The following XPR1 variants were observed in gnomAD, a reference collection of about 807,000 sequenced individuals.
XPR1 encodes xenotropic and polytropic retrovirus receptor 1, also known as solute carrier family 53 member 1.
In XPR1, 28 loss-of-function variants were observed where a neutral mutation model predicts 87.5. The observed-to-expected ratio is 0.32, with a 90% CI of 0.24 to 0.44. The LOEUF (loss-of-function observed/expected upper bound fraction) is 0.44. Ranked by LOEUF, XPR1 falls within the 20% of genes least tolerant of loss-of-function variation. XPR1 has a pLI of 1.00. For missense variants in XPR1, 559 were observed against 862.3 expected, an observed-to-expected ratio of 0.65 and a Z score of 4.41; for synonymous variants, 300 against 306.1, an observed-to-expected ratio of 0.98 and a Z score of 0.21.
chr1:180,672,123 G>T (rs1405027391), intron 1 of XPR1, among the ~76,000 whole-genome samples: 1 of 152,154 alleles, frequency 6.6e-6, no homozygotes, highest in African/African-American at 2.4e-5. Flanking sequence ...GAATATTAGT[G>T]CAAAAATTTG....
At chr1:180,656,942 T>C (rs1655553306) in intron 1 of XPR1, among the ~76,000 whole-genome samples, 1 of 151,878 alleles carries the variant, frequency 6.6e-6, no homozygotes, top group Non-Finnish European at 1.5e-5. Context: ...ATGTACTAAT[T>C]TACATTCCCA....
At chr1:180,848,935 A>T (rs1315355570) in intron 11 of XPR1, among the ~76,000 whole-genome samples, 1 of 152,186 alleles carries the variant, frequency 6.6e-6, no homozygotes, top group Non-Finnish European at 1.5e-5. Flanking sequence ...TCACTAAACC[A>T]AAGGAGAAAA....
intron 7 of XPR1, among the ~76,000 whole-genome samples, chr1:180,814,468 G>C (rs969318857): frequency 3.9e-5 from 6 of 152,148 alleles, no homozygotes; most frequent in Admixed American, 3.9e-4. Context: ...TTCAGTTTCA[G>C]CTCCACTGTT....
chr1:180,720,848 G>A (rs2101996786), intron 2 of XPR1, among the ~76,000 whole-genome samples: 1 of 152,286 alleles, frequency 6.6e-6, no homozygotes, highest in Admixed American at 6.5e-5. Flanking sequence ...AGAGTTATGT[G>A]CCCTTATCAT....
At position 180,883,990 on chromosome 1, in the gene XPR1, C is replaced by A; in HGVS notation, c.2031-16C>A. ...GTAATGGACTAAGTGCTTTTTGTCC[C>A]CCTTGTTACCACTAGATCCAAGGCT... On this transcript the variant is annotated splice_polypyrimidine_tract_variant and intron_variant, in intron 14 of 14. Transcript: ENST00000367590. 1 of 1,611,130 alleles carries A rather than the reference C, an allele frequency of 6.2e-7. No homozygotes were observed. Among genetic ancestry groups the A allele is most frequent in the Non-Finnish European group, 8.5e-7 (1 of 1,178,758 alleles).
At chr1:180,843,580 A>C (rs1439055758) in intron 11 of XPR1, among the ~76,000 whole-genome samples, 1 of 151,846 alleles carries the variant, frequency 6.6e-6, no homozygotes, top group Non-Finnish European at 1.5e-5. Flanking sequence ...TCTACTTGGC[A>C]TTGTTATTTT....
At chr1:180,703,240 A>T (rs1432172793) in intron 2 of XPR1, among the ~76,000 whole-genome samples, 2 of 152,150 alleles carry the variant, frequency 1.3e-5, no homozygotes, top group Non-Finnish European at 2.9e-5. Context: ...GGATGCCAGC[A>T]GTAGTGATCA....
intron 2 of XPR1, among the ~76,000 whole-genome samples, chr1:180,768,577 A>T (rs1648379533): frequency 6.6e-6 from 1 of 152,222 alleles, no homozygotes; most frequent in African/African-American, 2.4e-5. Context: ...GGATTTAGGA[A>T]TGCCACCCTT....
intron 2 of XPR1, among the ~76,000 whole-genome samples, chr1:180,682,941 TCTC>T (rs1245453925): frequency 6.6e-6 from 1 of 152,126 alleles, no homozygotes; most frequent in East Asian, 1.9e-4. Flanking sequence ...GAATGTTCCT[TCTC>T]AGGCTGGATA....
chr1:180,757,574 T>C (rs555251020), intron 2 of XPR1, among the ~76,000 whole-genome samples: 65 of 148,210 alleles, frequency 4.4e-4, no homozygotes, highest in Non-Finnish European at 9.2e-4. Context: ...AGTGGCCCAA[T>C]CATGGTTCAC....
chr1:180,780,376 T>C (rs1288732963), intron 2 of XPR1, among the ~76,000 whole-genome samples: 4 of 152,200 alleles, frequency 2.6e-5, no homozygotes, highest in Admixed American at 2.6e-4. Flanking sequence ...TGGTATCTCA[T>C]TGTCTTTTGA....
chr1:180,866,125 T>A (rs1041919506), intron 12 of XPR1, among the ~76,000 whole-genome samples: 32 of 152,070 alleles, frequency 2.1e-4, no homozygotes, highest in African/African-American at 7.0e-4. Flanking sequence ...GGCAGGAGGA[T>A]CACTTGAGCC....
At chr1:180,838,151 G>A (rs1347869177) in intron 11 of XPR1, among the ~76,000 whole-genome samples, 4 of 152,140 alleles carry the variant, frequency 2.6e-5, no homozygotes, top group Admixed American at 2.0e-4. Flanking sequence ...GGTATGTCAT[G>A]TGTATTATAT....
intron 2 of XPR1, among the ~76,000 whole-genome samples, chr1:180,733,039 C>T (rs752350542): frequency 1.5e-4 from 23 of 152,284 alleles, no homozygotes; most frequent in African/African-American, 3.4e-4. Flanking sequence ...ACCGGCGTGC[C>T]GGTGCATGTC....
intron 11 of XPR1, among the ~76,000 whole-genome samples, chr1:180,851,273 C>CAAACCTTT (rs1651862502): frequency 6.6e-6 from 1 of 152,182 alleles, no homozygotes; most frequent in Non-Finnish European, 1.5e-5. Context: ...GGTTAGTTAA[C>CAAACCTTT]AAACCTTTAC....
intron 2 of XPR1, among the ~76,000 whole-genome samples, chr1:180,746,701 A>G (rs1326471187): frequency 1.3e-5 from 2 of 152,122 alleles, no homozygotes; most frequent in East Asian, 3.8e-4. Flanking sequence ...ACTTTGCTTG[A>G]TTTTTAATAG....
chr1:180,644,742 C>G (rs1049447444), intron 1 of XPR1, among the ~76,000 whole-genome samples: 1 of 151,858 alleles, frequency 6.6e-6, no homozygotes, highest in Non-Finnish European at 1.5e-5. Context: ...TTCCACATAC[C>G]AGGGGGAGGG....
At chr1:180,680,293 T>C (rs1656524977) in intron 1 of XPR1, among the ~76,000 whole-genome samples, 3 of 149,228 alleles carry the variant, frequency 2.0e-5, no homozygotes, top group Non-Finnish European at 4.4e-5. Context: ...TCGGTGGGAA[T>C]GTAAACTAGT....
chr1:180,824,945 T>TAATC lies in XPR1; in HGVS notation c.954+5_954+8dup. On this transcript the variant is annotated splice_region_variant and intron_variant, in intron 8 of 14. Transcript: ENST00000367590. ...TTGTCTCATCAACATCTCTTTGAGG[T>TAATC]AATCAAAGCAAGACATAACACCTCA... 2 of 1,612,828 alleles carry TAATC rather than the reference T, an allele frequency of 1.2e-6. No individual in the cohort carries two copies. Among genetic ancestry groups the TAATC allele is most frequent in the Non-Finnish European group, 1.7e-6 (2 of 1,179,530 alleles).
Sources: gnomAD v4.1 joint callset for allele counts (sites outside exome capture counted in the v4.1 genomes callset) on GRCh38, gnomAD v4.1.1 for gene constraint, MANE v1.5 for transcripts, NCBI Gene and HGNC (gene_info 2026-07-23, HGNC 2026-07-21) for gene names.